UNC13C: variants seen among roughly 807,000 people sequenced by gnomAD.
UNC13C encodes unc-13 homolog C, also known as protein unc-13 homolog C.
In UNC13C, 174 loss-of-function variants were observed where a neutral mutation model predicts 245.4. The ratio of observed to expected loss-of-function variants is 0.71; its 90% confidence interval spans 0.63 to 0.80. UNC13C has a LOEUF of 0.80. UNC13C is among the 30% of genes least tolerant of loss of function. The probability of loss-of-function intolerance (pLI) is 0.00; values close to 1 mark genes in which losing one functional copy is unlikely to be tolerated. For missense variants in UNC13C, 2,829 were observed against 2,602.9 expected (o/e 1.09, Z -1.89); for synonymous variants, 992 against 895.1 (o/e 1.11, Z -1.93).
chr15:54,478,703 C>A (rs1158285259), intron 19 of UNC13C, among the ~76,000 whole-genome samples: 2 of 151,396 alleles, frequency 1.3e-5, no homozygotes, highest in African/African-American at 2.4e-5. Flanking sequence ...TGTTCTTTTT[C>A]ATTTGCTGAG....
At chr15:54,042,359 A>C (rs1330362595) in intron 2 of UNC13C, among the ~76,000 whole-genome samples, 1 of 152,212 alleles carries the variant, frequency 6.6e-6, no homozygotes, top group Non-Finnish European at 1.5e-5. Context: ...GTGACTTTTC[A>C]ACCGGAACAC....
rs1362479658 is a variant in UNC13C at position 54,172,729 on chromosome 15, T to A, written c.3071+29045T>A. On this transcript the variant is annotated intron_variant, in intron 4 of 32. Coordinates refer to ENST00000260323, the MANE Select transcript of UNC13C (RefSeq NM_001080534.3). ...ATATATATATATATATATATATATA[T>A]ATATATATATATATATATATATATA... 1.2e-3 allele frequency among the ~76,000 whole-genome samples: 70 copies of A among 58,064 alleles called. 3 individuals are homozygous for A. Among genetic ancestry groups the A allele is most frequent in the African/African-American group, 5.5e-3 (69 of 12,486 alleles). 38.1% of individuals were successfully genotyped at this position (58,064 alleles called of 152,430 possible). A position where few individuals can be genotyped will look rare whatever the true frequency, so the allele number is the denominator to read the frequency against.
chr15:54,051,773 T>TA (rs1897277702), intron 2 of UNC13C, among the ~76,000 whole-genome samples: 1 of 149,316 alleles, frequency 6.7e-6, no homozygotes, highest in Non-Finnish European at 1.5e-5. Context: ...TTTTTTTTTT[T>TA]ATTATACTTT....
At chr15:54,395,523 C>G (rs977593358) in intron 18 of UNC13C, among the ~76,000 whole-genome samples, 9 of 151,854 alleles carry the variant, frequency 5.9e-5, no homozygotes, top group Admixed American at 6.6e-5. Context: ...GTTATTGTGT[C>G]TTATGGTCAC....
At chr15:54,445,967 G>T (rs1475302179) in intron 19 of UNC13C, among the ~76,000 whole-genome samples, 1 of 152,112 alleles carries the variant, frequency 6.6e-6, no homozygotes, top group African/African-American at 2.4e-5. Flanking sequence ...ATTAATTTTT[G>T]TATAAGGTGT....
chr15:54,184,837 T>C (rs546665896), intron 4 of UNC13C, among the ~76,000 whole-genome samples: 7 of 152,134 alleles, frequency 4.6e-5, no homozygotes, highest in East Asian at 1.9e-4. Context: ...CCTGAGCAAT[T>C]GCCACACCGA....
intron 2 of UNC13C, among the ~76,000 whole-genome samples, chr15:54,037,950 G>A (rs1896640779): frequency 6.7e-6 from 1 of 150,364 alleles, no homozygotes; most frequent in Admixed American, 6.6e-5. Flanking sequence ...GTTTTTTGCT[G>A]TCTTTGAGGC....
intron 4 of UNC13C, among the ~76,000 whole-genome samples, chr15:54,189,864 A>G (rs1267567729): frequency 1.3e-5 from 2 of 152,120 alleles, no homozygotes; most frequent in Non-Finnish European, 2.9e-5. Context: ...CCATTTTGGT[A>G]AAGATTCTAT....
chr15:53,901,218 C>CTT, the UNC13C span, among the ~76,000 whole-genome samples: 7 of 104,784 alleles, frequency 6.7e-5, no homozygotes, highest in African/African-American at 1.8e-4. Flanking sequence ...TCATAGATTT[C>CTT]TTTTTTTTTT....
chr15:54,563,452 A>AT (rs1411025019), intron 29 of UNC13C, among the ~76,000 whole-genome samples: 1 of 151,824 alleles, frequency 6.6e-6, no homozygotes, highest in South Asian at 2.1e-4. Flanking sequence ...TTTTTTGCCC[A>AT]TTTTTTCCTG....
At chr15:54,567,375 G>T (rs17818572) in intron 29 of UNC13C, among the ~76,000 whole-genome samples, 8,322 of 152,138 alleles carry the variant, frequency 0.055, 358 homozygotes, top group Admixed American at 0.13. Context: ...TCTCAAACTG[G>T]TATCTGGAAA....
chr15:54,371,833 A>C (rs1297114058), intron 17 of UNC13C, among the ~76,000 whole-genome samples: 6 of 152,162 alleles, frequency 3.9e-5, no homozygotes, highest in Non-Finnish European at 7.3e-5. Context: ...TAAGTGAAAT[A>C]AGCCAGGCAC....
chr15:53,947,466 A>C, the UNC13C span, among the ~76,000 whole-genome samples: 1 of 152,212 alleles, frequency 6.6e-6, no homozygotes, highest in African/African-American at 2.4e-5. Flanking sequence ...CCCATCTCCA[A>C]GGTACAATTT....
chr15:54,547,816 A>ACACACACACACATG (rs1896553057), intron 27 of UNC13C, among the ~76,000 whole-genome samples: 1 of 152,132 alleles, frequency 6.6e-6, no homozygotes, highest in Admixed American at 6.6e-5. Context: ...ACACACACAT[A>ACACACACACACATG]CACATTCTAC....
Position 54,033,038 on chromosome 15 carries a change from T to C in UNC13C, c.2983+17152T>C, listed in dbSNP as rs190672536. Among the ~76,000 whole-genome samples, 655 of 152,206 alleles carry C rather than the reference T, an allele frequency of 4.3e-3. 1 individual carries two copies. The highest frequency in any genetic ancestry group is 7.1e-3 in the Admixed American group (109 of 15,286). On this transcript the variant is annotated intron_variant, in intron 2 of 32. Coordinates refer to ENST00000260323, the MANE Select transcript of UNC13C (RefSeq NM_001080534.3). ...AAGACTACAAATTGAGTTCAGTGTA[T>C]GCTGCTTGGGTGATGGGGGCACCAA...
intron 19 of UNC13C, among the ~76,000 whole-genome samples, chr15:54,425,739 A>C (rs1344107055): frequency 6.6e-6 from 1 of 151,880 alleles, no homozygotes; most frequent in African/African-American, 2.4e-5. Context: ...TCTGTTTGAC[A>C]TAGTGTGTTT....
chr15:54,317,659 T>C (rs983074736), intron 13 of UNC13C, among the ~76,000 whole-genome samples: 1 of 152,000 alleles, frequency 6.6e-6, no homozygotes, highest in Non-Finnish European at 1.5e-5. Context: ...ATATGATGCC[T>C]TGAGGCACAT....
intron 30 of UNC13C, among the ~76,000 whole-genome samples, chr15:54,606,198 C>A (rs987924013): frequency 2.0e-5 from 3 of 152,166 alleles, no homozygotes; most frequent in Non-Finnish European, 4.4e-5. Context: ...TATTACATTT[C>A]TCTGAAGTTG....
intron 15 of UNC13C, among the ~76,000 whole-genome samples, chr15:54,333,408 AG>A (rs1366316898): frequency 3.3e-5 from 5 of 152,148 alleles, no homozygotes; most frequent in African/African-American, 1.2e-4. Context: ...AGTTATCTTG[AG>A]AAAATCATGA....
Sources: allele counts gnomAD v4.1 joint callset (sites outside exome capture counted in the v4.1 genomes callset), GRCh38; gene constraint gnomAD v4.1.1; transcripts MANE v1.5; gene names NCBI Gene and HGNC (gene_info 2026-07-23, HGNC 2026-07-21).